DTNBP1: variants seen among roughly 807,000 people sequenced by gnomAD.
DTNBP1 encodes the protein dystrobrevin binding protein 1, also known as dysbindin.
A neutral mutation model predicts 42.8 loss-of-function variants in DTNBP1; 35 were observed. That is an observed-to-expected ratio of 0.82 (90% CI 0.63 to 1.09). The LOEUF (loss-of-function observed/expected upper bound fraction) is 1.09. Among genes scored for constraint, DTNBP1 ranks in the 50% least tolerant of loss-of-function variants. DTNBP1 has a pLI of 0.00. For synonymous variants in DTNBP1, 171 were observed against 162.2 expected (o/e 1.05, Z -0.41); for missense variants, 457 against 424.2 (o/e 1.08, Z -0.68).
intron 5 of DTNBP1, among the ~76,000 whole-genome samples, chr6:15,623,024 C>A (rs534265340): frequency 6.6e-6 from 1 of 152,114 alleles, no homozygotes; most frequent in South Asian, 2.1e-4. Flanking sequence ...CAAATGCTTA[C>A]GTTACACTTT....
intron 3 of DTNBP1, among the ~76,000 whole-genome samples, chr6:15,650,556 A>C (rs1760931229): frequency 6.6e-6 from 1 of 152,132 alleles, no homozygotes; most frequent in Admixed American, 6.5e-5. Context: ...TGCTGGGATT[A>C]TAGGTATGAG....
chr6:15,627,062 G>A (rs1759387156), intron 5 of DTNBP1, among the ~76,000 whole-genome samples: 1 of 152,166 alleles, frequency 6.6e-6, no homozygotes, highest in Non-Finnish European at 1.5e-5. Flanking sequence ...CTTTTAAACA[G>A]AGACCAAATG....
chr6:15,525,811 C>T (rs1002972737), intron 8 of DTNBP1, among the ~76,000 whole-genome samples: 1 of 152,134 alleles, frequency 6.6e-6, no homozygotes, highest in Admixed American at 6.5e-5. Flanking sequence ...GGTCACATTT[C>T]CCCGAAGCCA....
chr6:15,650,306 CTT>C (rs1175882515), intron 3 of DTNBP1, among the ~76,000 whole-genome samples: 9 of 152,168 alleles, frequency 5.9e-5, no homozygotes, highest in Admixed American at 5.9e-4. Flanking sequence ...GAGTTTCGCT[CTT>C]GTTGCCCAGG....
At chr6:15,536,715 C>A (rs1289013020) in intron 7 of DTNBP1, among the ~76,000 whole-genome samples, 1 of 152,360 alleles carries the variant, frequency 6.6e-6, no homozygotes. Context: ...AGAGTCCCCA[C>A]TGGGGCACTG....
intron 7 of DTNBP1, among the ~76,000 whole-genome samples, chr6:15,576,899 G>C (rs192696230): frequency 6.6e-6 from 1 of 152,020 alleles, no homozygotes; most frequent in Non-Finnish European, 1.5e-5. Context: ...CCACACAGAC[G>C]ACATGTATTG....
intron 4 of DTNBP1, among the ~76,000 whole-genome samples, chr6:15,636,664 C>A (rs982734183): frequency 3.3e-5 from 5 of 152,128 alleles, no homozygotes; most frequent in African/African-American, 1.2e-4. Flanking sequence ...GGGGATGTAG[C>A]CACCTCAAAG....
chr6:15,556,472 A>C (rs1012545677), intron 7 of DTNBP1, among the ~76,000 whole-genome samples: 1 of 152,120 alleles, frequency 6.6e-6, no homozygotes, highest in African/African-American at 2.4e-5. Context: ...GAGCCACTGC[A>C]CCTGGCCTAA....
chr6:15,612,820 T>C (rs1309681855), intron 6 of DTNBP1, among the ~76,000 whole-genome samples: 1 of 152,254 alleles, frequency 6.6e-6, no homozygotes, highest in Non-Finnish European at 1.5e-5. Flanking sequence ...GAAACTCTTG[T>C]TGCATTATAA....
At chr6:15,623,152 AAG>A (rs1216192471) in intron 5 of DTNBP1, among the ~76,000 whole-genome samples, 2 of 152,250 alleles carry the variant, frequency 1.3e-5, no homozygotes, top group African/African-American at 4.8e-5. Context: ...AAAGGTGTCT[AAG>A]AGAATTAATG....
intron 5 of DTNBP1, among the ~76,000 whole-genome samples, chr6:15,626,074 G>C (rs1314985563): frequency 6.6e-6 from 1 of 152,134 alleles, no homozygotes; most frequent in Non-Finnish European, 1.5e-5. Context: ...CCTACTGAGA[G>C]CTCCCATCCC....
intron 7 of DTNBP1, among the ~76,000 whole-genome samples, chr6:15,559,493 C>G (rs190596638): frequency 6.6e-6 from 1 of 152,306 alleles, no homozygotes; most frequent in Non-Finnish European, 1.5e-5. Flanking sequence ...ACAACCAGTT[C>G]ATTGGCTAGA....
At position 15,523,827 on chromosome 6, in the gene DTNBP1, AG is replaced by A. The variant is rs1168519164; in HGVS notation, c.812-609del. The A allele has an allele frequency of 2.3e-6, 3 of 1,287,098 alleles. No homozygotes were observed. The African/African-American group carries it at 4.6e-5, about 20-fold the overall frequency. The allele number at this position is 1,287,098 out of a possible 1,614,324, so 79.7% of individuals were successfully genotyped here. A position where few individuals can be genotyped will look rare whatever the true frequency, so the allele number is the denominator to read the frequency against. ...TTCCCCAGGATGACACCGTTCTGAC[AG>A]ATTGCCAGGAGAAGCGGGTGAGAAG... On this transcript the variant is annotated intron_variant, in intron 9 of 9. Coordinates refer to ENST00000344537, the MANE Select transcript of DTNBP1 (RefSeq NM_032122.5).
chr6:15,632,081 T>A (rs1445894691), intron 4 of DTNBP1, among the ~76,000 whole-genome samples: 2 of 152,226 alleles, frequency 1.3e-5, no homozygotes, highest in Non-Finnish European at 2.9e-5. Context: ...TCCTGTTTTC[T>A]CTTCTGCAAT....
At chr6:15,626,715 A>G (rs1759371236) in intron 5 of DTNBP1, among the ~76,000 whole-genome samples, 3 of 152,204 alleles carry the variant, frequency 2.0e-5, no homozygotes, top group Admixed American at 2.0e-4. Context: ...ATTTCCACAG[A>G]GTATAAATTT....
At chr6:15,576,277 C>T (rs531528404) in intron 7 of DTNBP1, among the ~76,000 whole-genome samples, 61 of 151,990 alleles carry the variant, frequency 4.0e-4, no homozygotes, top group African/African-American at 1.4e-3. Flanking sequence ...TACCACCACG[C>T]CCGGCTAATT....
intron 7 of DTNBP1, among the ~76,000 whole-genome samples, chr6:15,579,188 T>C (rs1175505961): frequency 2.0e-5 from 3 of 152,216 alleles, no homozygotes; most frequent in South Asian, 2.1e-4. Context: ...ATGTGGTATG[T>C]ATACACAATG....
intron 7 of DTNBP1, among the ~76,000 whole-genome samples, chr6:15,552,525 T>C (rs1289883962): frequency 2.6e-5 from 4 of 152,210 alleles, no homozygotes; most frequent in African/African-American, 9.6e-5. Context: ...CAGTGGTTCA[T>C]TCCTGTAATC....
intron 7 of DTNBP1, among the ~76,000 whole-genome samples, chr6:15,589,890 T>C (rs1293825808): frequency 6.6e-6 from 1 of 152,220 alleles, no homozygotes; most frequent in Non-Finnish European, 1.5e-5. Flanking sequence ...CATTCATGAT[T>C]GAATAGTTAG....
Sources: gnomAD v4.1 joint callset for allele counts (sites outside exome capture counted in the v4.1 genomes callset) on GRCh38, gnomAD v4.1.1 for gene constraint, MANE v1.5 for transcripts, NCBI Gene and HGNC (gene_info 2026-07-23, HGNC 2026-07-21) for gene names.